Variants in ADGRL3 observed in about 807,000 individuals in gnomAD.
The protein encoded by ADGRL3 is calcium-independent alpha-latrotoxin receptor 3.
ADGRL3 carries 62 observed loss-of-function variants against 153.5 expected under a neutral mutation model. That is an observed-to-expected ratio of 0.40 (90% CI 0.33 to 0.50). The LOEUF (loss-of-function observed/expected upper bound fraction) is 0.50. Ranked by LOEUF, ADGRL3 falls within the 20% of genes least tolerant of loss-of-function variation. The pLI is 0.47. For missense variants in ADGRL3, 1,641 were observed against 1,859.4 expected (o/e 0.88, Z 2.16); for synonymous variants, 710 against 672.5 (o/e 1.06, Z -0.86).
chr4:61,953,550 C>T (rs1285858102), intron 17 of ADGRL3, among the ~76,000 whole-genome samples: 1 of 152,152 alleles, frequency 6.6e-6, no homozygotes, highest in Non-Finnish European at 1.5e-5. Flanking sequence ...TTCCTCCTTC[C>T]TAATTGTCAG....
chr4:61,733,542 G>A lies in ADGRL3; in HGVS notation c.1387G>A (p.Asp463Asn), dbSNP rs543714483. 6.2e-7 allele frequency: 1 copy of A among 1,610,714 alleles called. No homozygotes were observed. The highest frequency in any genetic ancestry group is 1.3e-5 in the African/African-American group (1 of 74,860). The change falls in exon 8 of 27, where the codon GAT becomes AAT. Residue 463 changes from aspartate to asparagine, a missense_variant. Physicochemically the swap from Asp to Asn is conservative, Grantham distance 23. Around this residue, in one of 5 missense-constraint regions of ADGRL3, gnomAD observed 734 missense variants for 797.0 expected, o/e 0.92. Transcript: ENST00000683033. ...VKYSLDFGPL[D>N]SRSGQAHHGQ... ...ATATTCTTTGGATTTTGGACCTCTGGATAGTAGATCAGGTAAGTTCAACCT... is the reference window on the plus strand; with the variant it reads ...ATATTCTTTGGATTTTGGACCTCTGAATAGTAGATCAGGTAAGTTCAACCT...
At chr4:61,669,630 G>A (rs6826830) in intron 5 of ADGRL3, among the ~76,000 whole-genome samples, 152,044 of 152,346 alleles carry the variant, frequency 1, 75,873 homozygotes, top group Non-Finnish European at 1. Flanking sequence ...TCATGCACTG[G>A]TTTATCATCT....
At chr4:61,392,974 A>G (rs552932883) in intron 2 of ADGRL3, among the ~76,000 whole-genome samples, 3 of 152,202 alleles carry the variant, frequency 2.0e-5, no homozygotes, top group Admixed American at 2.0e-4. Flanking sequence ...TATCTATCTA[A>G]GAGCCGCTGA....
intron 13 of ADGRL3, among the ~76,000 whole-genome samples, chr4:61,930,511 A>C (rs1413418488): frequency 2.6e-5 from 4 of 152,352 alleles, no homozygotes; most frequent in African/African-American, 9.6e-5. Flanking sequence ...AGTTATAACA[A>C]ATAAACTCTG....
chr4:61,499,652 C>G (rs2098361656), intron 3 of ADGRL3, among the ~76,000 whole-genome samples: 1 of 151,810 alleles, frequency 6.6e-6, no homozygotes, highest in African/African-American at 2.4e-5. Flanking sequence ...AATTTTTGTT[C>G]CAGTAAATTA....
chr4:61,797,718 A>G (rs2097431597), intron 8 of ADGRL3, among the ~76,000 whole-genome samples: 1 of 123,392 alleles, frequency 8.1e-6, no homozygotes, highest in Non-Finnish European at 1.7e-5. Flanking sequence ...TAGAGAAAAA[A>G]ACCCAACAAC....
At chr4:61,744,101 C>G (rs112502659) in intron 8 of ADGRL3, among the ~76,000 whole-genome samples, 2 of 152,056 alleles carry the variant, frequency 1.3e-5, no homozygotes, top group African/African-American at 4.8e-5. Context: ...CATGGAGTCT[C>G]GCTGATTGCT....
chr4:61,878,837 A>T (rs1408874665), intron 9 of ADGRL3, among the ~76,000 whole-genome samples: 1 of 152,162 alleles, frequency 6.6e-6, no homozygotes, highest in African/African-American at 2.4e-5. Context: ...TTGTGTGAAG[A>T]TCAGTCTATG....
chr4:61,958,548 A>T (rs891134482), intron 17 of ADGRL3, among the ~76,000 whole-genome samples: 1 of 152,140 alleles, frequency 6.6e-6, no homozygotes, highest in Non-Finnish European at 1.5e-5. Flanking sequence ...ACAGTTTCAC[A>T]TGCCTGGGGA....
At chr4:61,432,094 G>A (rs1185662452) in intron 2 of ADGRL3, among the ~76,000 whole-genome samples, 1 of 152,136 alleles carries the variant, frequency 6.6e-6, no homozygotes, top group Non-Finnish European at 1.5e-5. Flanking sequence ...TCCTGAATTA[G>A]TGTAAGACCA....
intron 13 of ADGRL3, among the ~76,000 whole-genome samples, chr4:61,916,216 C>T (rs540298440): frequency 1.3e-4 from 20 of 152,200 alleles, no homozygotes; most frequent in African/African-American, 4.8e-4. Flanking sequence ...ATTATGTTTG[C>T]ATCCCAAGAG....
At chr4:61,606,029 A>C (rs2099030923) in intron 5 of ADGRL3, among the ~76,000 whole-genome samples, 1 of 152,224 alleles carries the variant, frequency 6.6e-6, no homozygotes, top group Admixed American at 6.5e-5. Flanking sequence ...TGATACAGGT[A>C]ATTAAAGTAT....
chr4:61,357,161 A>G (rs2096190078), intron 1 of ADGRL3, among the ~76,000 whole-genome samples: 1 of 152,120 alleles, frequency 6.6e-6, no homozygotes, highest in South Asian at 2.1e-4. Context: ...CCTTACTTTT[A>G]TCAAATAATT....
At chr4:61,277,025 C>T (rs561880844) in intron 1 of ADGRL3, among the ~76,000 whole-genome samples, 4 of 152,192 alleles carry the variant, frequency 2.6e-5, no homozygotes, top group African/African-American at 9.6e-5. Context: ...CCCCCTATTT[C>T]ATTTGTTTAT....
chr4:61,476,651 G>C (rs2152710805), intron 2 of ADGRL3, among the ~76,000 whole-genome samples: 1 of 145,670 alleles, frequency 6.9e-6, no homozygotes, highest in African/African-American at 2.6e-5. Context: ...GGAGGTTGTG[G>C]TGAGCCAAGA....
chr4:61,289,058 A>T (rs2094062030), intron 1 of ADGRL3, among the ~76,000 whole-genome samples: 1 of 151,968 alleles, frequency 6.6e-6, no homozygotes, highest in South Asian at 2.1e-4. Context: ...TACATAAGTT[A>T]ACGCAATATA....
At chr4:61,370,604 A>G (rs1387283468) in intron 1 of ADGRL3, among the ~76,000 whole-genome samples, 2 of 152,006 alleles carry the variant, frequency 1.3e-5, no homozygotes, top group African/African-American at 4.8e-5. Flanking sequence ...ATAGTTTGTT[A>G]TAATTTCTGT....
chr4:61,749,956 A>T (rs1383118587), intron 8 of ADGRL3, among the ~76,000 whole-genome samples: 1 of 152,132 alleles, frequency 6.6e-6, no homozygotes, highest in Non-Finnish European at 1.5e-5. Context: ...TAGAAGCAGT[A>T]GTTGAAATTG....
chr4:61,638,951 G>C (rs1316247295), intron 5 of ADGRL3, among the ~76,000 whole-genome samples: 1 of 152,094 alleles, frequency 6.6e-6, no homozygotes, highest in Non-Finnish European at 1.5e-5. Flanking sequence ...TCATATATGT[G>C]AAGTAGTTCT....
Sources: gnomAD v4.1 joint callset for allele counts (sites outside exome capture counted in the v4.1 genomes callset) on GRCh38, gnomAD v4.1.1 for gene constraint, gnomAD v4.1.1 regional missense constraint, MANE v1.5 for transcripts, NCBI Gene and HGNC (gene_info 2026-07-23, HGNC 2026-07-21) for gene names.